NEK2: variants seen among roughly 807,000 people sequenced by gnomAD.
NEK2 encodes serine/threonine-protein kinase Nek2.
Under a neutral mutation model 54.1 loss-of-function variants are expected in NEK2, and 28 were observed. The ratio of observed to expected loss-of-function variants is 0.52; its 90% CI spans 0.38 to 0.71. The LOEUF (loss-of-function observed/expected upper bound fraction) is 0.71. NEK2 is among the 30% of genes least tolerant of loss of function. The pLI, the probability that NEK2 is intolerant of heterozygous loss-of-function variation, is 0.00. For missense variants in NEK2, 407 were observed against 531.5 expected, an observed-to-expected ratio of 0.77 and a Z score of 2.30; for synonymous variants, 176 against 193.1, an observed-to-expected ratio of 0.91 and a Z score of 0.73.
At chr1:211,663,693 C>T (rs745376600) in intron 7 of NEK2, 41 bp from the exon 8 acceptor site, 1 of 1,569,852 alleles carries the variant, frequency 6.4e-7, no homozygotes. Context: ...GTTACTTGAA[C>T]AGAGTTCAAC....
chr1:211,675,262 C>T lies in NEK2; in HGVS notation c.96+122G>A, dbSNP rs991569756. 6.0e-6 allele frequency: 5 copies of T among 826,786 alleles called. No individual in the cohort carries two copies. In the African/African-American group the frequency reaches 6.8e-5, roughly 11 times the overall value. The allele number at this position is 826,786 out of a possible 1,614,324, so 51.2% of individuals were successfully genotyped here. On this transcript the variant is annotated intron_variant, in intron 1 of 7. Transcript: ENST00000366999. ...CTGTCAGATGCAGACCCAGGAAAGA[C>T]GGTTTAGTCTTCCGGGCACCCATTT...
chr1:211,659,455 A>G (rs1654963497), downstream of NEK2, among the ~76,000 whole-genome samples: 1 of 152,136 alleles, frequency 6.6e-6, no homozygotes, highest in Non-Finnish European at 1.5e-5. Context: ...GCATTCTTCT[A>G]TGATTCCATA....
rs755765723 is a variant in NEK2 at position 211,674,508 on chromosome 1, T to C, written c.102A>G (p.Leu34=). The C allele has an allele frequency of 6.2e-7, 1 of 1,603,602 alleles. No individual in the cohort carries two copies. Among genetic ancestry groups the C allele is most frequent in the Admixed American group, 1.7e-5 (1 of 58,954 alleles). The change falls in exon 2 of 8, where the codon TTA becomes TTG. Residue 34 remains leucine (L), a synonymous_variant. Transcript: ENST00000366999. ...AGCCATAGTCAAGTTCTTTCCAAAC[T>C]AATATCTGAAATAAGAATTTCCAAG... ...KIRRKSDGKI[L]VWKELDYGSM...
chr1:211,658,719 CAAAAAAAAAAAA>C (rs967490624), downstream of NEK2: 132 of 37,566 alleles, frequency 3.5e-3, no homozygotes, highest in African/African-American at 8.0e-3. Flanking sequence ...GACTCTATCT[CAAAAAAAAAAAA>C]AAAAAAAAAA....
chr1:211,669,052 A>C (rs1655270441), intron 6 of NEK2, 61 bp downstream of exon 6: 1 of 1,388,768 alleles, frequency 7.2e-7, no homozygotes, highest in Non-Finnish European at 1.0e-6. Flanking sequence ...AGAGATATTC[A>C]GACACATCAA....
At chr1:211,658,719 CAAAAAAAAAAAAAAAAAAAAA>C (rs967490624), downstream of NEK2, 1 of 37,106 alleles carries the variant, frequency 2.7e-5, no homozygotes, top group Non-Finnish European at 4.5e-5. Context: ...GACTCTATCT[CAAAAAAAAAAAAAAAAAAAAA>C]AAAAAAAAGG....
chr1:211,663,048 T>A lies in NEK2; in HGVS notation c.*378A>T, dbSNP rs775210272. ...AATCTAGACATGACAATTGTAAGCA[T>A]ACCACTCAGTCATTTAAAACTATTC... On this transcript the variant is annotated 3_prime_UTR_variant, in exon 8 of 8. Coordinates refer to ENST00000366999, the MANE Select transcript of NEK2 (RefSeq NM_002497.4). 65 of 1,005,678 alleles carry A rather than the reference T, an allele frequency of 6.5e-5. No homozygotes were observed. The highest frequency in any genetic ancestry group is 7.5e-5 in the Non-Finnish European group (63 of 841,478). 62.3% of individuals were successfully genotyped at this position (1,005,678 alleles called of 1,614,324 possible).
intron 7 of NEK2, among the ~76,000 whole-genome samples, chr1:211,665,786 C>T (rs1655160795): frequency 6.6e-6 from 1 of 152,162 alleles, no homozygotes; most frequent in South Asian, 2.1e-4. Context: ...CTTTCCATCA[C>T]TTATTCACTA....
chr1:211,672,053 T>C (rs1393306315), intron 3 of NEK2, among the ~76,000 whole-genome samples: 3 of 152,278 alleles, frequency 2.0e-5, no homozygotes, highest in Non-Finnish European at 2.9e-5. Context: ...CTGTTCTGGC[T>C]ATTTTTAGTC....
intron 5 of NEK2, 96 bp downstream of exon 5, chr1:211,670,185 G>A (rs988513174): frequency 5.7e-6 from 7 of 1,222,230 alleles, no homozygotes; most frequent in African/African-American, 4.6e-5. Flanking sequence ...TATATTTAAC[G>A]TTTCTTCAGT....
chr1:211,671,817 A>G (rs1397936380), intron 3 of NEK2, among the ~76,000 whole-genome samples: 1 of 152,260 alleles, frequency 6.6e-6, no homozygotes, highest in Admixed American at 6.5e-5. Context: ...CAGAGGGAAT[A>G]GAAGCAATCT....
At chr1:211,662,003 C>T (rs1277186515), downstream of NEK2, among the ~76,000 whole-genome samples, 3 of 152,176 alleles carry the variant, frequency 2.0e-5, no homozygotes, top group Non-Finnish European at 4.4e-5. The surrounding 1 kb of genome is among the most constrained non-coding windows in gnomAD (Gnocchi z 4.2). Flanking sequence ...CTGAGACTCA[C>T]ATATTAACCT....
chr1:211,661,004 G>T (rs753735113), downstream of NEK2: 2 of 740,178 alleles, frequency 2.7e-6, no homozygotes, highest in Middle Eastern at 3.2e-4. Flanking sequence ...ATCAGGGCCC[G>T]CTGGAAACTA....
rs1655084371 is a variant in NEK2, at chr1:211,663,644, TAAG to T, written c.1117_1119del (p.Leu373del). 5 of 1,613,494 alleles carry T rather than the reference TAAG, an allele frequency of 3.1e-6. No homozygotes were observed. The highest frequency in any genetic ancestry group is 1.7e-5 in the Admixed American group (1 of 60,002). On this transcript the variant is annotated inframe_deletion, in exon 8 of 8. Coordinates refer to ENST00000366999, the MANE Select transcript of NEK2 (RefSeq NM_002497.4). ...TTCTTAATTACTGAGGATGGAAGAT[TAAG>T]AAGTTCTTTAGAAGGAAAAAGAAAA... is the stretch of plus-strand genomic sequence containing the variant.
intron 7 of NEK2, 51 bp from the exon 8 acceptor site, chr1:211,663,703 C>T: frequency 6.6e-7 from 1 of 1,511,896 alleles, no homozygotes; most frequent in South Asian, 1.2e-5. Flanking sequence ...CAGAGTTCAA[C>T]TCCTTCATAC....
chr1:211,674,024 C>A (rs1655492102), intron 2 of NEK2, among the ~76,000 whole-genome samples: 1 of 152,102 alleles, frequency 6.6e-6, no homozygotes, highest in Non-Finnish European at 1.5e-5. Flanking sequence ...CTATGTTGCC[C>A]AGGCTGGTCT....
chr1:211,674,237 G>T (rs2305015), intron 2 of NEK2, 59 bp downstream of exon 2: 59,342 of 1,381,894 alleles, frequency 0.043, 2,145 homozygotes, highest in East Asian at 0.2. Context: ...AAAACAAGAT[G>T]CTTAAAATAA....
At chr1:211,667,379 C>A in intron 6 of NEK2, 148 bp from the exon 7 acceptor site, 1 of 647,174 alleles carries the variant, frequency 1.5e-6, no homozygotes, top group Non-Finnish European at 2.5e-6. Context: ...CCTCAGTCAA[C>A]CTGATTATGT....
chr1:211,664,825 TTTTG>T lies in NEK2; in HGVS notation c.1112-1177_1112-1174del, dbSNP rs577880806. On this transcript the variant is annotated intron_variant, in intron 7 of 7. Coordinates refer to ENST00000366999, the MANE Select transcript of NEK2 (RefSeq NM_002497.4). Reference sequence around the variant, plus strand: ...TTGTCTTACTAATGGGATAGTTTTATTTTGTTTTTGTTTTTGTCTGAGATGGGGT... The same window carrying T: ...TTGTCTTACTAATGGGATAGTTTTATTTTTTGTTTTTGTCTGAGATGGGGT... Among the ~76,000 whole-genome samples, 70 of 152,308 alleles carry T rather than the reference TTTTG, an allele frequency of 4.6e-4. 2 individuals are homozygous for T. The East Asian group carries it at 0.013, about 28-fold the overall frequency.
Sources: gnomAD v4.1 joint callset for allele counts (sites outside exome capture counted in the v4.1 genomes callset) on GRCh38, gnomAD v4.1.1 for gene constraint, Gnocchi (gnomAD v3.1) non-coding constraint, MANE v1.5 for transcripts, NCBI Gene and HGNC (gene_info 2026-07-23, HGNC 2026-07-21) for gene names.